ADPGK: variants seen among roughly 807,000 people sequenced by gnomAD.
ADPGK encodes the protein ADP-dependent glucokinase.
In ADPGK, 26 loss-of-function variants were observed where a neutral mutation model predicts 42.4. That is an observed-to-expected ratio of 0.61 (90% CI 0.45 to 0.85). The LOEUF (loss-of-function observed/expected upper bound fraction) is 0.85. Ranked by LOEUF, ADPGK falls within the 40% of genes least tolerant of loss-of-function variation. The pLI, the probability that ADPGK is intolerant of heterozygous loss-of-function variation, is 0.00. For missense variants in ADPGK, 571 were observed against 627.0 expected (o/e 0.91, Z 0.95); for synonymous variants, 267 against 252.6 (o/e 1.06, Z -0.54).
chr15:72,756,149 G>A, intron 5 of ADPGK, 102 bp downstream of exon 5: 1 of 1,431,114 alleles, frequency 7.0e-7, no homozygotes, highest in Middle Eastern at 1.8e-4. Flanking sequence ...ATATGTCCCT[G>A]GGAGGCCAGG....
intron 3 of ADPGK, among the ~76,000 whole-genome samples, chr15:72,763,401 G>C (rs1457093997): frequency 6.7e-6 from 1 of 150,064 alleles, no homozygotes; most frequent in East Asian, 2.0e-4. Flanking sequence ...ACGCCAGGCT[G>C]GTCTCAAACT....
In ADPGK at chr15:72,783,621, T is replaced by A; in HGVS notation, c.71A>T (p.Glu24Val). Residue 24 changes from glutamate (E) to valine (V), a missense_variant, in exon 1 of 7, where the codon GAG becomes GTG. By Grantham distance (121) the Glu-to-Val change is moderately radical (BLOSUM62 -2). This residue lies in a region of ADPGK where 137 missense variants were observed against 104.2 expected (regional missense o/e 1.31). Transcript: ENST00000456471. ...ALAVGCVFLL[E>V]PELPGSALRS... is the part of the protein sequence containing the mutation. ...CAGCGCCGAGCCTGGCAGCTCTGGC[T>A]CCAGCAGGAAGACGCAGCCCACGGC... The A allele has an allele frequency of 6.6e-7, 1 of 1,515,270 alleles. No individual in the cohort carries two copies. Among genetic ancestry groups the A allele is most frequent in the Non-Finnish European group, 8.8e-7 (1 of 1,139,656 alleles). The allele number at this position is 1,515,270 out of a possible 1,614,324, so 93.9% of individuals were successfully genotyped here. A position where few individuals can be genotyped will look rare whatever the true frequency, so the allele number is the denominator to read the frequency against.
At chr15:72,761,571 C>G (rs911414928) in intron 3 of ADPGK, among the ~76,000 whole-genome samples, 1 of 152,176 alleles carries the variant, frequency 6.6e-6, no homozygotes, top group Non-Finnish European at 1.5e-5. Flanking sequence ...TCCTGCTCCT[C>G]AACTCCAATA....
chr15:72,764,461 G>A (rs1260524347), intron 3 of ADPGK, among the ~76,000 whole-genome samples: 2 of 152,210 alleles, frequency 1.3e-5, no homozygotes. Context: ...TATGAAGGCT[G>A]AGAGAGGTGA....
intron 3 of ADPGK, among the ~76,000 whole-genome samples, chr15:72,761,220 C>T (rs73448747): frequency 7.1e-4 from 108 of 152,328 alleles, no homozygotes; most frequent in African/African-American, 2.4e-3. Flanking sequence ...AGACCCTACC[C>T]CCACTTTCTT....
chr15:72,764,309 A>C (rs1277364535), intron 3 of ADPGK, among the ~76,000 whole-genome samples: 1 of 152,232 alleles, frequency 6.6e-6, no homozygotes, highest in African/African-American at 2.4e-5. Context: ...CAGAAACAAA[A>C]AACAGCAACA....
intron 1 of ADPGK, among the ~76,000 whole-genome samples, chr15:72,778,822 G>C (rs932642641): frequency 2.0e-5 from 3 of 152,228 alleles, no homozygotes; most frequent in African/African-American, 7.2e-5. Context: ...GGCTAGGGCA[G>C]TGGTCCCTGT....
rs2066175553 is a variant in ADPGK, at chr15:72,760,304, C to A, written c.643+103G>T. ...ACTTTCAGTATGGCAAAAACAGGAT[C>A]CTGCTAATTTACAAAGATAAATTTC... On this transcript the variant is annotated intron_variant, in intron 4 of 6. Coordinates refer to ENST00000456471, the MANE Select transcript of ADPGK (RefSeq NM_001365225.1). 2.9e-6 allele frequency: 4 copies of A among 1,382,854 alleles called. No individual in the cohort carries two copies. The Admixed American group carries it at 9.0e-5, about 31-fold the overall frequency. The allele number at this position is 1,382,854 out of a possible 1,614,324, so 85.7% of individuals were successfully genotyped here.
chr15:72,772,122 C>G (rs1566959798), intron 2 of ADPGK, among the ~76,000 whole-genome samples: 1 of 152,164 alleles, frequency 6.6e-6, no homozygotes, highest in Non-Finnish European at 1.5e-5. Context: ...CCAGAAGAGA[C>G]ACAGGAAACA....
Position 72,751,393 on chromosome 15 carries a change from A to T in ADPGK, c.*948T>A, listed in dbSNP as rs2066043576. The T allele has an allele frequency of 6.6e-6, 1 of 152,660 alleles. No individual in the cohort carries two copies. Among genetic ancestry groups the T allele is most frequent in the South Asian group, 2.1e-4 (1 of 4,836 alleles). The allele number at this position is 152,660 out of a possible 1,614,324, so 9.5% of individuals were successfully genotyped here. ...TCCTGAAATGTAAATTGTTTTTAAT[A>T]TATTTAAGAGCACACAGAAGTCTTG... On this transcript the variant is annotated 3_prime_UTR_variant, in exon 7 of 7. Transcript: ENST00000456471.
At chr15:72,767,279 T>C (rs2066272249) in intron 3 of ADPGK, among the ~76,000 whole-genome samples, 1 of 148,106 alleles carries the variant, frequency 6.8e-6, no homozygotes, top group Non-Finnish European at 1.5e-5. Context: ...AGTTTCAAAA[T>C]ACATAAAGCA....
intron 4 of ADPGK, chr15:72,758,277 G>T: frequency 1.3e-6 from 1 of 763,514 alleles, no homozygotes; most frequent in Non-Finnish European, 2.3e-6. Context: ...TCCTCACAAA[G>T]TGTTGTATTC....
At chr15:72,774,767 C>T (rs965055813) in intron 2 of ADPGK, 105 bp downstream of exon 2, 27 of 1,019,882 alleles carry the variant, frequency 2.6e-5, no homozygotes, top group Non-Finnish European at 3.7e-5. Context: ...ATTTTGCTCC[C>T]CTCCTCTTCA....
chr15:72,763,001 TAGTA>T (rs542932618), intron 3 of ADPGK, among the ~76,000 whole-genome samples: 4 of 152,184 alleles, frequency 2.6e-5, no homozygotes, highest in Middle Eastern at 3.4e-3. Context: ...GGAATAAACT[TAGTA>T]AGCCCTACAA....
chr15:72,767,109 T>C (rs2066270402), intron 3 of ADPGK, among the ~76,000 whole-genome samples: 2 of 152,098 alleles, frequency 1.3e-5, no homozygotes, highest in South Asian at 2.1e-4. Context: ...AGATATACCA[T>C]GCCAATACTA....
intron 3 of ADPGK, among the ~76,000 whole-genome samples, chr15:72,766,213 C>A (rs759809703): frequency 1.3e-5 from 2 of 152,184 alleles, no homozygotes; most frequent in Non-Finnish European, 2.9e-5. Context: ...CTCAAGTGAT[C>A]CTCCTGCCTC....
intron 4 of ADPGK, among the ~76,000 whole-genome samples, chr15:72,759,336 T>G (rs2066161359): frequency 6.6e-6 from 1 of 152,244 alleles, no homozygotes. Flanking sequence ...TTACTCTTAC[T>G]TCCCATTTGG....
At chr15:72,755,808 C>T (rs2066105426) in intron 5 of ADPGK, 154 bp from the exon 6 acceptor site, 1 of 656,794 alleles carries the variant, frequency 1.5e-6, no homozygotes, top group East Asian at 2.8e-5. Flanking sequence ...CCCACCACCT[C>T]TGTGGACAAG....
chr15:72,774,224 T>C (rs986197367), intron 2 of ADPGK, among the ~76,000 whole-genome samples: 1 of 152,164 alleles, frequency 6.6e-6, no homozygotes, highest in African/African-American at 2.4e-5. Flanking sequence ...ATTAAGAGCT[T>C]CCCTGGCTAG....
Sources: allele counts gnomAD v4.1 joint callset (sites outside exome capture counted in the v4.1 genomes callset), GRCh38; gene constraint gnomAD v4.1.1; regional missense constraint gnomAD v4.1.1; transcripts MANE v1.5; gene names NCBI Gene and HGNC (gene_info 2026-07-23, HGNC 2026-07-21).